FOXP2: variants seen among roughly 807,000 people sequenced by gnomAD.
The protein encoded by FOXP2 is forkhead box protein P2.
A neutral mutation model predicts 115.8 loss-of-function variants in FOXP2; 12 were observed. The ratio of observed to expected loss-of-function variants is 0.10; its 90% CI spans 0.07 to 0.17. The LOEUF is 0.17. Among genes scored for constraint, FOXP2 ranks in the 10% least tolerant of loss-of-function variants. FOXP2 has a pLI of 1.00. For synonymous variants in FOXP2, 328 were observed against 297.7 expected, an observed-to-expected ratio of 1.10 and a Z score of -1.05; for missense variants, 629 against 843.5, an observed-to-expected ratio of 0.75 and a Z score of 3.15.
chr7:114,523,364 A>G (rs1798712946), intron 2 of FOXP2, among the ~76,000 whole-genome samples: 1 of 152,136 alleles, frequency 6.6e-6, no homozygotes, highest in Non-Finnish European at 1.5e-5. Context: ...ATGCACCTGC[A>G]CTAACCAAGG....
chr7:114,631,944 A>G (rs566069869), intron 6 of FOXP2, among the ~76,000 whole-genome samples: 1 of 152,336 alleles, frequency 6.6e-6, no homozygotes, highest in East Asian at 1.9e-4. Flanking sequence ...ATGTGTATTT[A>G]TTAGTCTTAT....
chr7:114,342,236 T>G (rs532656877), intron 2 of FOXP2, among the ~76,000 whole-genome samples: 1 of 151,442 alleles, frequency 6.6e-6, no homozygotes, highest in African/African-American at 2.4e-5. Context: ...CTTTCAGTGG[T>G]TTTAAATGTA....
At chr7:114,208,196 T>C (rs936803579) in intron 1 of FOXP2, among the ~76,000 whole-genome samples, 1 of 152,168 alleles carries the variant, frequency 6.6e-6, no homozygotes, top group Non-Finnish European at 1.5e-5. Context: ...TCCAAGACCA[T>C]GGGAACCCAC....
intron 2 of FOXP2, among the ~76,000 whole-genome samples, chr7:114,507,533 A>G (rs1562965768): frequency 6.6e-6 from 1 of 152,094 alleles, no homozygotes; most frequent in East Asian, 1.9e-4. Context: ...TAAACAAATT[A>G]GGAAATTAAT....
chr7:114,242,998 A>T (rs984383155), intron 1 of FOXP2, among the ~76,000 whole-genome samples: 1 of 152,118 alleles, frequency 6.6e-6, no homozygotes, highest in Admixed American at 6.5e-5. Context: ...TGTTATTCAG[A>T]TTCAGATTCT....
At chr7:114,242,167 G>C (rs1283708081) in intron 1 of FOXP2, among the ~76,000 whole-genome samples, 1 of 151,410 alleles carries the variant, frequency 6.6e-6, no homozygotes, top group Non-Finnish European at 1.5e-5. Flanking sequence ...AATAAAAGGA[G>C]ATAATTTGAA....
rs374851203 is a variant in FOXP2 at position 114,682,190 on chromosome 7, T to C, written c.2004-7592T>C. ...TTTCCAAGGTTGCATAGCTAGGAAG[T>C]AAAGGAGCCAGGCTTCAAACCCAAG... On this transcript the variant is annotated intron_variant, in intron 16 of 16. Coordinates refer to ENST00000350908, the MANE Select transcript of FOXP2 (RefSeq NM_014491.4). 3.9e-5 allele frequency among the ~76,000 whole-genome samples: 6 copies of C among 152,222 alleles called. No individual in the cohort carries two copies. The East Asian group carries it at 9.6e-4, about 24-fold the overall frequency.
chr7:114,107,747 G>C (rs1791157132), intron 1 of FOXP2, among the ~76,000 whole-genome samples: 1 of 151,954 alleles, frequency 6.6e-6, no homozygotes, highest in African/African-American at 2.4e-5. Context: ...ATTTTATGCA[G>C]TATTGTGTCA....
At chr7:114,170,510 C>T (rs1175746554) in intron 1 of FOXP2, among the ~76,000 whole-genome samples, 1 of 152,182 alleles carries the variant, frequency 6.6e-6, no homozygotes, top group Non-Finnish European at 1.5e-5. Flanking sequence ...AGTTAGGCCT[C>T]TTATGACAAA....
intron 2 of FOXP2, among the ~76,000 whole-genome samples, chr7:114,457,976 C>A (rs992385818): frequency 1.3e-4 from 19 of 151,594 alleles, no homozygotes; most frequent in Non-Finnish European, 2.6e-4. Flanking sequence ...TTCTTCACTT[C>A]CAAATATATT....
intron 2 of FOXP2, among the ~76,000 whole-genome samples, chr7:114,522,174 A>G (rs1798655939): frequency 6.6e-6 from 1 of 152,284 alleles, no homozygotes; most frequent in South Asian, 2.1e-4. Context: ...AGGTTCTTCA[A>G]TAGAAATGCT....
intron 3 of FOXP2, among the ~76,000 whole-genome samples, chr7:114,616,911 C>G (rs1803981855): frequency 6.6e-6 from 1 of 151,982 alleles, no homozygotes; most frequent in East Asian, 1.9e-4. Flanking sequence ...CCTCCCATCT[C>G]TAAAAATAAA....
chr7:114,191,615 C>A (rs1196720988), intron 1 of FOXP2, among the ~76,000 whole-genome samples: 4 of 152,182 alleles, frequency 2.6e-5, no homozygotes, highest in African/African-American at 7.2e-5. Context: ...GACTAGTGGG[C>A]TTTTCAAAAT....
intron 2 of FOXP2, among the ~76,000 whole-genome samples, chr7:114,389,914 C>T (rs1420877671): frequency 7.3e-5 from 11 of 150,686 alleles, no homozygotes; most frequent in Non-Finnish European, 5.9e-5. Flanking sequence ...ATCCTAGCTA[C>T]TCAGGAGGTG....
chr7:114,483,464 T>C (rs1403064587), intron 2 of FOXP2, among the ~76,000 whole-genome samples: 1 of 151,682 alleles, frequency 6.6e-6, no homozygotes, highest in Non-Finnish European at 1.5e-5. Context: ...ATCTCTGAAA[T>C]AAAATTTGCC....
intron 2 of FOXP2, among the ~76,000 whole-genome samples, chr7:114,401,099 A>T (rs1326071028): frequency 6.6e-6 from 1 of 152,162 alleles, no homozygotes; most frequent in Non-Finnish European, 1.5e-5. Context: ...ATTAGATATC[A>T]GATGGGGGAT....
At chr7:114,677,907 A>G (rs1439740888) in intron 16 of FOXP2, among the ~76,000 whole-genome samples, 1 of 152,224 alleles carries the variant, frequency 6.6e-6, no homozygotes, top group African/African-American at 2.4e-5. Flanking sequence ...TATTGTGTGC[A>G]TCATACTCTG....
chr7:114,243,751 G>A (rs979692421), intron 1 of FOXP2, among the ~76,000 whole-genome samples: 6 of 152,100 alleles, frequency 3.9e-5, no homozygotes, highest in African/African-American at 7.2e-5. Context: ...CTCTGGGTAT[G>A]TGAGAGAGAG....
At chr7:114,404,846 C>T (rs988473600) in intron 2 of FOXP2, among the ~76,000 whole-genome samples, 3 of 151,926 alleles carry the variant, frequency 2.0e-5, no homozygotes, top group Non-Finnish European at 4.4e-5. Flanking sequence ...CAACTTCAGT[C>T]ATTTTTACCC....
Sources: allele counts gnomAD v4.1 joint callset (sites outside exome capture counted in the v4.1 genomes callset), GRCh38; gene constraint gnomAD v4.1.1; transcripts MANE v1.5; gene names NCBI Gene and HGNC (gene_info 2026-07-23, HGNC 2026-07-21).